REPS2: variants seen among roughly 807,000 people sequenced by gnomAD.
The protein encoded by REPS2 is RALBP1 associated Eps domain containing 2.
REPS2 carries 23 observed loss-of-function variants against 53.6 expected under a neutral mutation model. That is an observed-to-expected ratio of 0.43 (90% CI 0.31 to 0.61). The LOEUF (loss-of-function observed/expected upper bound fraction) is 0.61. REPS2 is among the 20% of genes least tolerant of loss of function. The probability of loss-of-function intolerance (pLI) is 0.11; values close to 1 mark genes in which losing one functional copy is unlikely to be tolerated. For missense variants in REPS2, 446 were observed against 534.9 expected (o/e 0.83, Z 1.64); for synonymous variants, 238 against 218.6 (o/e 1.09, Z -0.78).
At chrX:17,177,006 AATG>A in the REPS2 span, among the ~76,000 whole-genome samples, 1 of 112,124 alleles carries the variant, frequency 8.9e-6, no homozygotes. Context: ...ACCCCAGGGA[AATG>A]ATGAGTTTCA....
chrX:17,073,866 G>T lies in REPS2; in HGVS notation c.1334-248G>T, dbSNP rs748750592. ...TGGAATGTCTTCATTAATTAACTTG[G>T]ATTTGAGAATGGCCTCTCAAATAGT... On this transcript the variant is annotated intron_variant, in intron 11 of 17. Coordinates refer to ENST00000357277, the MANE Select transcript of REPS2 (RefSeq NM_004726.3). Among the ~76,000 whole-genome samples the T allele has an allele frequency of 3.7e-5, 4 of 107,875 alleles. No homozygotes were observed. In the East Asian group the frequency reaches 8.8e-4, roughly 24 times the overall value. 93.7% of individuals were successfully genotyped at this position (107,875 alleles called of 115,157 possible). A position where few individuals can be genotyped will look rare whatever the true frequency, so the allele number is the denominator to read the frequency against.
the REPS2 span, among the ~76,000 whole-genome samples, chrX:17,184,481 A>G: frequency 1.1e-3 from 122 of 107,069 alleles, 1 homozygote; most frequent in African/African-American, 3.6e-3. Flanking sequence ...TAGTGCCACA[A>G]TAAACATACG....
chrX:17,169,412 G>T, the REPS2 span, among the ~76,000 whole-genome samples: 10 of 111,638 alleles, frequency 9.0e-5, 1 homozygote, highest in Middle Eastern at 4.6e-3. Context: ...AGGCATGATG[G>T]CTCATGTCTG....
At chrX:16,957,922 T>C (rs2060615834) in intron 1 of REPS2, among the ~76,000 whole-genome samples, 1 of 111,513 alleles carries the variant, frequency 9.0e-6, no homozygotes, top group Non-Finnish European at 1.9e-5. Context: ...AAAAAATGTT[T>C]CCAGACATTG....
chrX:17,188,612 A>AT, the REPS2 span, among the ~76,000 whole-genome samples: 2 of 112,474 alleles, frequency 1.8e-5, no homozygotes, highest in African/African-American at 6.5e-5. Context: ...ATGCTGACCT[A>AT]TAGCTAAGAA....
intron 13 of REPS2, among the ~76,000 whole-genome samples, chrX:17,087,997 A>G (rs772386299): frequency 1.1e-3 from 116 of 109,970 alleles, no homozygotes; most frequent in African/African-American, 3.3e-3. Flanking sequence ...CATAAGATAG[A>G]TAGATAGAGG....
chrX:17,134,428 CTCT>C (rs762278216), intron 15 of REPS2, among the ~76,000 whole-genome samples: 2 of 111,395 alleles, frequency 1.8e-5, no homozygotes, highest in Non-Finnish European at 3.8e-5. Flanking sequence ...TTCTCCCAGG[CTCT>C]TCTTTCAGAG....
intron 17 of REPS2, among the ~76,000 whole-genome samples, chrX:17,146,832 C>T (rs2063520471): frequency 8.9e-6 from 1 of 111,786 alleles, no homozygotes; most frequent in Non-Finnish European, 1.9e-5. Flanking sequence ...CCGTTTTAGG[C>T]CCGAAAGTTT....
intron 14 of REPS2, among the ~76,000 whole-genome samples, chrX:17,113,845 G>A (rs2063010378): frequency 1.8e-5 from 2 of 111,237 alleles, no homozygotes; most frequent in South Asian, 7.6e-4. Context: ...AGTGTCTTTA[G>A]AATTAATCCT....
chrX:17,029,024 ATATT>A (rs1191199423), intron 4 of REPS2, among the ~76,000 whole-genome samples: 15 of 112,027 alleles, frequency 1.3e-4, no homozygotes, highest in Non-Finnish European at 2.1e-4. Flanking sequence ...AATATAAAAT[ATATT>A]TATTCATTTT....
At chrX:17,084,071 C>T (rs1324804371) in intron 13 of REPS2, among the ~76,000 whole-genome samples, 1 of 107,488 alleles carries the variant, frequency 9.3e-6, no homozygotes, top group Non-Finnish European at 1.9e-5. Flanking sequence ...CAATCATTCC[C>T]ATTCCCCCCT....
intron 8 of REPS2, among the ~76,000 whole-genome samples, chrX:17,060,950 C>T (rs1174472718): frequency 9.0e-6 from 1 of 111,207 alleles, no homozygotes; most frequent in Admixed American, 9.6e-5. Flanking sequence ...TCAGGAGCAG[C>T]GGGGTGCTTG....
intron 13 of REPS2, among the ~76,000 whole-genome samples, chrX:17,077,710 C>T (rs946646810): frequency 2.0e-4 from 22 of 112,532 alleles, no homozygotes; most frequent in African/African-American, 6.8e-4. Context: ...GGGTCTTACT[C>T]TCTGCATCAT....
intron 1 of REPS2, among the ~76,000 whole-genome samples, chrX:16,989,009 G>A (rs1029917429): frequency 5.3e-4 from 59 of 111,407 alleles, no homozygotes; most frequent in Middle Eastern, 4.7e-3. Context: ...TTTTGAAAAA[G>A]AATAATAAAG....
chrX:16,990,790 A>C (rs948087964), intron 1 of REPS2, among the ~76,000 whole-genome samples: 3 of 110,733 alleles, frequency 2.7e-5, no homozygotes, highest in Non-Finnish European at 5.7e-5. Context: ...CAAAGGGTAC[A>C]TAGGATCTCT....
intron 14 of REPS2, among the ~76,000 whole-genome samples, chrX:17,110,310 C>CTT (rs202016963): frequency 0.017 from 1,481 of 86,464 alleles, 30 homozygotes; most frequent in African/African-American, 0.059. Context: ...TTAGATTTCA[C>CTT]TTTTTTTTTT....
chrX:17,038,056 T>C (rs944446041), intron 5 of REPS2, among the ~76,000 whole-genome samples: 4 of 112,118 alleles, frequency 3.6e-5, no homozygotes, highest in African/African-American at 1.3e-4. Context: ...TTGGAAATAC[T>C]TAAGTGGCTT....
intron 8 of REPS2, among the ~76,000 whole-genome samples, chrX:17,060,021 C>CAAAAGTCTCCTTT (rs1569154246): frequency 8.9e-6 from 1 of 111,874 alleles, no homozygotes; most frequent in African/African-American, 3.2e-5. Context: ...ATAGTTTCAG[C>CAAAAGTCTCCTTT]TGGGTGGGGT....
At chrX:17,184,803 G>A in the REPS2 span, among the ~76,000 whole-genome samples, 1 of 112,011 alleles carries the variant, frequency 8.9e-6, no homozygotes. Context: ...TTTTTCATGT[G>A]TTTTTTGGCT....
Sources: gnomAD v4.1 joint callset for allele counts (sites outside exome capture counted in the v4.1 genomes callset) on GRCh38, gnomAD v4.1.1 for gene constraint, MANE v1.5 for transcripts, NCBI Gene and HGNC (gene_info 2026-07-23, HGNC 2026-07-21) for gene names.